Variants in PRKCH observed in about 807,000 individuals in gnomAD.
PRKCH encodes the protein protein kinase C eta.
PRKCH carries 28 observed loss-of-function variants against 82.5 expected under a neutral mutation model. The ratio of observed to expected loss-of-function variants is 0.34; its 90% CI spans 0.25 to 0.47. The LOEUF (loss-of-function observed/expected upper bound fraction) is 0.47, where lower values mean the gene tolerates loss of function less well. PRKCH is among the 20% of genes least tolerant of loss of function. PRKCH has a pLI of 1.00. For synonymous variants in PRKCH, 322 were observed against 327.4 expected (o/e 0.98, Z 0.18); for missense variants, 705 against 881.8 (o/e 0.80, Z 2.54).
At chr14:61,310,429 G>A (rs72725891) in intron 1 of PRKCH, among the ~76,000 whole-genome samples, 8,109 of 152,228 alleles carry the variant, frequency 0.053, 303 homozygotes, top group Non-Finnish European at 0.08. Context: ...CCAAAATCCC[G>A]CGGGGCAGTC....
intron 2 of PRKCH, among the ~76,000 whole-genome samples, chr14:61,422,716 C>T (rs1222055917): frequency 1.3e-5 from 2 of 152,192 alleles, no homozygotes; most frequent in African/African-American, 4.8e-5. Context: ...CACTGGTTTT[C>T]AGGATTTAAA....
intron 1 of PRKCH, among the ~76,000 whole-genome samples, chr14:61,341,190 C>T (rs1026861487): frequency 6.6e-6 from 1 of 152,182 alleles, no homozygotes; most frequent in African/African-American, 2.4e-5. Context: ...CTGGCCCTGC[C>T]TTCCCCATTC....
chr14:61,513,078 A>G (rs1295864360), intron 10 of PRKCH, among the ~76,000 whole-genome samples: 1 of 152,176 alleles, frequency 6.6e-6, no homozygotes, highest in Non-Finnish European at 1.5e-5. Context: ...TGGAAAAGGA[A>G]CAGCGCAATG....
intron 2 of PRKCH, among the ~76,000 whole-genome samples, chr14:61,440,891 A>C (rs1883931083): frequency 1.3e-5 from 2 of 151,046 alleles, no homozygotes; most frequent in Admixed American, 1.3e-4. Context: ...AATAAAAAAT[A>C]AAAAATTATT....
intron 1 of PRKCH, among the ~76,000 whole-genome samples, chr14:61,377,122 C>T (rs1386244597): frequency 6.6e-6 from 1 of 152,170 alleles, no homozygotes; most frequent in African/African-American, 2.4e-5. Context: ...CTTTAAAGAC[C>T]TCATCTTCCA....
intron 1 of PRKCH, among the ~76,000 whole-genome samples, chr14:61,255,925 A>G (rs1157711126): frequency 1.3e-5 from 2 of 152,188 alleles, no homozygotes; most frequent in African/African-American, 4.8e-5. Flanking sequence ...TTTGAAGGAA[A>G]TTTTTAATGT....
rs372300038 is a variant in PRKCH, at chr14:61,361,849, A to T, written c.364-29376A>T. 1.6e-4 allele frequency among the ~76,000 whole-genome samples: 24 copies of T among 152,366 alleles called. 1 individual carries two copies. In the South Asian group the frequency reaches 4.8e-3, roughly 30 times the overall value. On this transcript the variant is annotated intron_variant, in intron 1 of 13. Transcript: ENST00000332981. ...ATATTCCTTAATCTTATTTATGATTACATTTGGTTTATTTAAGTTTTACCA... is the reference window on the plus strand; with the variant it reads ...ATATTCCTTAATCTTATTTATGATTTCATTTGGTTTATTTAAGTTTTACCA...
At position 61,436,457 on chromosome 14, in the gene PRKCH, A is replaced by G. The variant is rs561700078; in HGVS notation, c.428-6654A>G. Among the ~76,000 whole-genome samples, 6 of 150,638 alleles carry G rather than the reference A, an allele frequency of 4.0e-5. No individual in the cohort carries two copies. The East Asian group carries it at 5.8e-4, about 15-fold the overall frequency. On this transcript the variant is annotated intron_variant, in intron 2 of 13. Coordinates refer to ENST00000332981, the MANE Select transcript of PRKCH (RefSeq NM_006255.5). ...TGAGTTTGGAAATAACTATGAGTAC[A>G]TAGTTAAGCTGTTTTCAAAAAACAC...
intron 1 of PRKCH, among the ~76,000 whole-genome samples, chr14:61,378,064 T>C (rs1005491732): frequency 6.6e-5 from 10 of 152,162 alleles, no homozygotes; most frequent in African/African-American, 2.4e-4. Flanking sequence ...ATATTAGTTC[T>C]ATCACTTCTC....
At chr14:61,189,479 C>T (rs914462833) in intron 1 of PRKCH, among the ~76,000 whole-genome samples, 1 of 151,860 alleles carries the variant, frequency 6.6e-6, no homozygotes, top group African/African-American at 2.4e-5. Flanking sequence ...TCCTTTATTG[C>T]TAACAGACTG....
chr14:61,363,980 G>GTA (rs751103757), intron 1 of PRKCH, among the ~76,000 whole-genome samples: 1 of 14,878 alleles, frequency 6.7e-5, no homozygotes, highest in African/African-American at 3.3e-4. Flanking sequence ...GCATGTGTGT[G>GTA]TATATGTGTG....
intron 10 of PRKCH, among the ~76,000 whole-genome samples, chr14:61,516,086 G>A (rs1000998006): frequency 2.0e-5 from 3 of 152,118 alleles, no homozygotes; most frequent in East Asian, 1.9e-4. Context: ...GTCTGTGCCC[G>A]TAGCCTCACA....
chr14:61,274,664 A>G (rs1477074196), intron 1 of PRKCH, among the ~76,000 whole-genome samples: 1 of 152,192 alleles, frequency 6.6e-6, no homozygotes, highest in Non-Finnish European at 1.5e-5. Flanking sequence ...GAGGGGATAG[A>G]GGAGTCATTT....
At chr14:61,545,755 C>T (rs529491344) in intron 12 of PRKCH, among the ~76,000 whole-genome samples, 4 of 152,280 alleles carry the variant, frequency 2.6e-5, no homozygotes, top group South Asian at 2.1e-4. Context: ...AGAGGACGGA[C>T]GGTCGTGTTT....
upstream of PRKCH, among the ~76,000 whole-genome samples, chr14:61,319,330 C>T (rs1211447843): frequency 2.6e-5 from 4 of 152,180 alleles, no homozygotes; most frequent in African/African-American, 9.7e-5. Flanking sequence ...AATACATCAC[C>T]CCTTGGCACC....
chr14:61,231,635 GTGC>G (rs2044745403), intron 1 of PRKCH, among the ~76,000 whole-genome samples: 1 of 152,112 alleles, frequency 6.6e-6, no homozygotes, highest in Non-Finnish European at 1.5e-5. Flanking sequence ...GCCTCCCATA[GTGC>G]TGGGATTGCA....
At chr14:61,386,940 A>G (rs1352163732) in intron 1 of PRKCH, among the ~76,000 whole-genome samples, 2 of 152,264 alleles carry the variant, frequency 1.3e-5, no homozygotes, top group Non-Finnish European at 2.9e-5. Flanking sequence ...AATAACAAAA[A>G]AAAATCCCAA....
chr14:61,433,043 C>CAAAAAAAA lies in PRKCH; in HGVS notation c.428-10057_428-10050dup, dbSNP rs34477992. ...CCCTCCCCTCACCCCCCAACCTCTT[C>CAAAAAAAA]AAAAAAAAAAAAAAAAAACTATCAA... On this transcript the variant is annotated intron_variant, in intron 2 of 13. Coordinates refer to ENST00000332981, the MANE Select transcript of PRKCH (RefSeq NM_006255.5). Among the ~76,000 whole-genome samples, 14 of 110,958 alleles carry CAAAAAAAA rather than the reference C, an allele frequency of 1.3e-4. No homozygotes were observed. In the East Asian group the frequency reaches 1.3e-3, roughly 10 times the overall value. 72.8% of individuals were successfully genotyped at this position (110,958 alleles called of 152,430 possible). A position where few individuals can be genotyped will look rare whatever the true frequency, so the allele number is the denominator to read the frequency against.
intron 1 of PRKCH, among the ~76,000 whole-genome samples, chr14:61,302,253 A>C (rs946062466): frequency 2.0e-5 from 3 of 152,224 alleles, no homozygotes; most frequent in Non-Finnish European, 4.4e-5. Context: ...GCCTTAAGCA[A>C]ATTATAGGCT....
Sources: allele counts gnomAD v4.1 joint callset (sites outside exome capture counted in the v4.1 genomes callset), GRCh38; gene constraint gnomAD v4.1.1; transcripts MANE v1.5; gene names NCBI Gene and HGNC (gene_info 2026-07-23, HGNC 2026-07-21).